The following MGST1 variants were observed in gnomAD, a reference collection of about 807,000 sequenced individuals.
MGST1 encodes the protein microsomal glutathione S-transferase 1, also known as glutathione S-transferase 12.
A neutral mutation model predicts 8.9 loss-of-function variants in MGST1; 5 were observed. That is an observed-to-expected ratio of 0.56 (90% CI 0.29 to 1.19). The LOEUF (loss-of-function observed/expected upper bound fraction) is 1.19. Among genes scored for constraint, MGST1 ranks in the 50% most tolerant of loss-of-function variants. MGST1 has a pLI of 0.08. For missense variants in MGST1, 182 were observed against 187.4 expected (o/e 0.97, Z 0.17); for synonymous variants, 54 against 67.8 (o/e 0.80, Z 1.00).
chr12:16,384,782 A>T (rs1349186026), intron 1 of MGST1, among the ~76,000 whole-genome samples: 1 of 152,254 alleles, frequency 6.6e-6, no homozygotes, highest in African/African-American at 2.4e-5. Flanking sequence ...TGCAGGGGTG[A>T]GTTCCAGAGA....
intron 3 of MGST1, chr12:16,376,054 A>G: frequency 9.3e-7 from 1 of 1,071,676 alleles, no homozygotes. Flanking sequence ...AATGTATTTT[A>G]TGTGTTCACG....
chr12:16,367,922 T>TTTTTTTTTTTTTTTTTTTGA (rs1565440579), downstream of MGST1, among the ~76,000 whole-genome samples: 1 of 152,192 alleles, frequency 6.6e-6, no homozygotes, highest in Non-Finnish European at 1.5e-5. Context: ...TCCTGTTTCT[T>TTTTTTTTTTTTTTTTTTTGA]GGGCTATCCA....
rs913875801 is a variant in MGST1, at chr12:16,389,990, T to C, written n.778+6386T>C. 1.3e-5 allele frequency among the ~76,000 whole-genome samples: 2 copies of C among 152,176 alleles called. No homozygotes were observed. Among genetic ancestry groups the C allele is most frequent in the Admixed American group, 1.3e-4 (2 of 15,278 alleles). On this transcript the variant is annotated intron_variant and non_coding_transcript_variant, in intron 1 of 1. Transcript: ENST00000359720. The surrounding 1 kb of genome is among the most constrained non-coding windows in gnomAD (Gnocchi z 4.6). ...GACTGCAGCTCCATCCGTCAGAGGG[T>C]TGAAATTTCACACACGAAGGCTCAT...
chr12:16,589,885 C>A (rs533218918), downstream of MGST1, among the ~76,000 whole-genome samples: 1 of 152,060 alleles, frequency 6.6e-6, no homozygotes, highest in Non-Finnish European at 1.5e-5. This position sits in a 1 kb window ranked among gnomAD's most constrained non-coding sequence, Gnocchi z 4.2. Context: ...AATTAAGCCT[C>A]GTAAAGCTCT....
rs549548570 is a variant in MGST1, at chr12:16,543,803, G to C, written n.483-45725G>C. On this transcript the variant is annotated intron_variant and non_coding_transcript_variant, in intron 4 of 4. Transcript: ENST00000538857. ...CAGTTTCAATGGGAAAAATGTAAGG[G>C]TGAATTGAGACTAAGAAAATTGTGT... is the stretch of plus-strand genomic sequence containing the variant. 3.3e-5 allele frequency among the ~76,000 whole-genome samples: 5 copies of C among 152,174 alleles called. No homozygotes were observed. In the South Asian group the frequency reaches 8.3e-4, roughly 25 times the overall value.
At chr12:16,515,113 C>G (rs1399637050) in intron 4 of MGST1, among the ~76,000 whole-genome samples, 4 of 152,200 alleles carry the variant, frequency 2.6e-5, no homozygotes, top group South Asian at 2.1e-4. Flanking sequence ...GTCCTCTCAT[C>G]ATGGAGCAAC....
At chr12:16,426,562 G>A (rs987783490) in intron 1 of MGST1, among the ~76,000 whole-genome samples, 8 of 152,130 alleles carry the variant, frequency 5.3e-5, no homozygotes, top group African/African-American at 1.9e-4. Context: ...GTTCATGTGT[G>A]ACTTCTTGAT....
intron 4 of MGST1, among the ~76,000 whole-genome samples, chr12:16,516,894 CA>C (rs1038153427): frequency 6.6e-5 from 10 of 152,076 alleles, no homozygotes; most frequent in Admixed American, 6.5e-4. Context: ...GTCAATCTAT[CA>C]AATACTTTCA....
At chr12:16,415,812 A>C (rs10772934) in intron 1 of MGST1, among the ~76,000 whole-genome samples, 28,878 of 152,124 alleles carry the variant, frequency 0.19, 3,217 homozygotes, top group East Asian at 0.44. Context: ...TGTTTTTCAA[A>C]GATCTACTGT....
intron 4 of MGST1, among the ~76,000 whole-genome samples, chr12:16,579,476 G>A (rs1200209161): frequency 6.6e-6 from 1 of 152,184 alleles, no homozygotes; most frequent in Non-Finnish European, 1.5e-5. Flanking sequence ...TATATCAGTA[G>A]CTTAAAAGCC....
chr12:16,522,555 C>T (rs1177496392), intron 4 of MGST1, among the ~76,000 whole-genome samples: 1 of 152,020 alleles, frequency 6.6e-6, no homozygotes, highest in East Asian at 1.9e-4. Context: ...TCATTATTAT[C>T]CCCAGCAGCT....
intron 3 of MGST1, among the ~76,000 whole-genome samples, chr12:16,374,060 A>T (rs1940340884): frequency 6.6e-6 from 1 of 152,098 alleles, no homozygotes. Flanking sequence ...TTTGGAGTAG[A>T]TATGCAGATA....
intron 4 of MGST1, among the ~76,000 whole-genome samples, chr12:16,472,968 G>C (rs1054191701): frequency 3.9e-5 from 6 of 152,094 alleles, no homozygotes; most frequent in African/African-American, 1.2e-4. Context: ...TTTCCATGAA[G>C]GCAAAAAGAA....
intron 4 of MGST1, among the ~76,000 whole-genome samples, chr12:16,577,769 C>T (rs1403977010): frequency 6.6e-6 from 1 of 152,162 alleles, no homozygotes; most frequent in Non-Finnish European, 1.5e-5. Context: ...ATGGCTCCAT[C>T]TCACCAACAT....
At chr12:16,357,746 G>A in intron 3 of MGST1, 47 bp downstream of exon 3, 11 of 1,535,342 alleles carry the variant, frequency 7.2e-6, no homozygotes, top group Non-Finnish European at 9.9e-6. Context: ...AACAATTTTG[G>A]TCAAGGAGTT....
At chr12:16,572,294 T>C (rs1942839063) in intron 4 of MGST1, among the ~76,000 whole-genome samples, 1 of 151,582 alleles carries the variant, frequency 6.6e-6, no homozygotes, top group Non-Finnish European at 1.5e-5. Context: ...ACATACAATA[T>C]TGTTCATAAA....
rs1481283439 is a variant in MGST1, at chr12:16,478,196, A to AT, written n.482+94597dup. ...AGGCGCGTGCCACCACGCCCAGCTA[A>AT]TTTTTGTATTTTTAGCAGAGACGGG... On this transcript the variant is annotated intron_variant and non_coding_transcript_variant, in intron 4 of 4. Transcript: ENST00000538857. 6.2e-4 allele frequency among the ~76,000 whole-genome samples: 94 copies of AT among 151,882 alleles called. 3 individuals carry two copies. Among genetic ancestry groups the AT allele is most frequent in the Admixed American group, 4.6e-3 (70 of 15,088 alleles).
chr12:16,506,769 C>CA (rs1171661181), intron 4 of MGST1, among the ~76,000 whole-genome samples: 1 of 152,170 alleles, frequency 6.6e-6, no homozygotes, highest in Non-Finnish European at 1.5e-5. Flanking sequence ...AAAAAGACTA[C>CA]TTTTTCTTGA....
intron 4 of MGST1, among the ~76,000 whole-genome samples, chr12:16,471,652 A>G (rs980061621): frequency 2.0e-5 from 3 of 152,160 alleles, no homozygotes; most frequent in Non-Finnish European, 4.4e-5. Context: ...ATTTACTACA[A>G]AAGTTCAGCT....
Sources: gnomAD v4.1 joint callset for allele counts (sites outside exome capture counted in the v4.1 genomes callset) on GRCh38, gnomAD v4.1.1 for gene constraint, Gnocchi (gnomAD v3.1) non-coding constraint, MANE v1.5 for transcripts, NCBI Gene and HGNC (gene_info 2026-07-23, HGNC 2026-07-21) for gene names.